WDFY4: variants seen among roughly 807,000 people sequenced by gnomAD.
The protein encoded by WDFY4 is WD repeat- and FYVE domain-containing protein 4.
WDFY4 carries 169 observed loss-of-function variants against 351.9 expected under a neutral mutation model. The observed-to-expected ratio is 0.48, with a 90% CI of 0.42 to 0.55. The LOEUF is 0.55. WDFY4 is among the 20% of genes least tolerant of loss of function. The pLI, the probability that WDFY4 is intolerant of heterozygous loss-of-function variation, is 0.00. For synonymous variants in WDFY4, 1,622 were observed against 1,574.6 expected (o/e 1.03, Z -0.71); for missense variants, 3,803 against 3,935.6 (o/e 0.97, Z 0.90).
chr10:48,731,653 A>G, intron 9 of WDFY4, 91 bp downstream of exon 9: 1 of 1,386,668 alleles, frequency 7.2e-7, no homozygotes. Context: ...CAAATGCAAC[A>G]GAAAGTGAGC....
At chr10:48,968,739 G>A (rs1012803300) in intron 55 of WDFY4, 1 of 365,636 alleles carries the variant, frequency 2.7e-6, no homozygotes, top group African/African-American at 2.1e-5. Flanking sequence ...ATGAGGTCTG[G>A]GCAGCTCCAA....
chr10:48,715,538 T>C (rs1346945408), intron 2 of WDFY4, among the ~76,000 whole-genome samples: 1 of 152,270 alleles, frequency 6.6e-6, no homozygotes, highest in African/African-American at 2.4e-5. Flanking sequence ...TTGATCATTC[T>C]TGTAAAAACC....
At chr10:48,704,422 G>A (rs2063566737) in intron 1 of WDFY4, among the ~76,000 whole-genome samples, 1 of 152,132 alleles carries the variant, frequency 6.6e-6, no homozygotes, top group Admixed American at 6.5e-5. Context: ...TCCAAGCTGG[G>A]ACACAGCACG....
At chr10:48,820,579 A>G in intron 33 of WDFY4, 142 bp downstream of exon 33, 2 of 891,530 alleles carry the variant, frequency 2.2e-6, no homozygotes, top group East Asian at 2.7e-5. Flanking sequence ...ATGGGCCCCA[A>G]AAAAGCAACA....
rs560121785 is a variant in WDFY4, at chr10:48,906,618, G to T, written c.7586+4755G>T. 9.2e-5 allele frequency among the ~76,000 whole-genome samples: 14 copies of T among 152,346 alleles called. No homozygotes were observed. The South Asian group carries it at 2.1e-3, about 23-fold the overall frequency. On this transcript the variant is annotated intron_variant, in intron 47 of 61. Transcript: ENST00000325239. ...CGGCAGGATTTTTGAGATGTAAAAA[G>T]ACCAATCAGAAAAGGAGAAATGATG...
intron 9 of WDFY4, among the ~76,000 whole-genome samples, chr10:48,732,281 T>C (rs2064489532): frequency 6.6e-6 from 1 of 152,130 alleles, no homozygotes; most frequent in Admixed American, 6.5e-5. Flanking sequence ...GACTTTCTGA[T>C]AGGAAGCAAA....
At chr10:48,898,764 G>C (rs1432596065) in intron 45 of WDFY4, among the ~76,000 whole-genome samples, 1 of 152,170 alleles carries the variant, frequency 6.6e-6, no homozygotes, top group Non-Finnish European at 1.5e-5. Context: ...TGAGCTTCCT[G>C]AGGGCCTTTG....
chr10:48,970,086 C>T, intron 56 of WDFY4, 45 bp from the exon 57 acceptor site: 1 of 1,542,700 alleles, frequency 6.5e-7, no homozygotes, highest in South Asian at 1.2e-5. Flanking sequence ...GGGCTCCTGT[C>T]CCTGCTGTCT....
At chr10:48,965,717 G>T (rs1403840872) in intron 54 of WDFY4, among the ~76,000 whole-genome samples, 1 of 152,054 alleles carries the variant, frequency 6.6e-6, no homozygotes, top group Non-Finnish European at 1.5e-5. Flanking sequence ...CAGTAGGGCT[G>T]CAGTCTGGGA....
In WDFY4 at chr10:48,807,642, A is replaced by C. The variant is rs531642152; in HGVS notation, c.4739-217A>C. On this transcript the variant is annotated intron_variant, in intron 27 of 61. Coordinates refer to ENST00000325239, the MANE Select transcript of WDFY4 (RefSeq NM_001394531.1). ...TTTTGTTTTTTGGAAGATGTGCAGC[A>C]TTGCAGACATTGCTAATTAAAGGAA... Among the ~76,000 whole-genome samples, 3 of 152,328 alleles carry C rather than the reference A, an allele frequency of 2.0e-5. No individual in the cohort carries two copies. In the South Asian group the frequency reaches 6.2e-4, roughly 32 times the overall value.
chr10:48,950,842 C>T (rs1187507296), intron 51 of WDFY4, among the ~76,000 whole-genome samples: 1 of 152,252 alleles, frequency 6.6e-6, no homozygotes, highest in Non-Finnish European at 1.5e-5. Flanking sequence ...AGTGTGCTGG[C>T]TGCATGTGTG....
At chr10:48,802,388 G>A (rs2663036) in intron 24 of WDFY4, among the ~76,000 whole-genome samples, 5,583 of 152,108 alleles carry the variant, frequency 0.037, 358 homozygotes, top group African/African-American at 0.13. Context: ...ACATAAATGC[G>A]GATAATAATA....
intron 37 of WDFY4, 111 bp from the exon 38 acceptor site, chr10:48,830,589 A>G: frequency 8.2e-7 from 1 of 1,216,948 alleles, no homozygotes; most frequent in Non-Finnish European, 1.1e-6. Context: ...GATGTTCAAG[A>G]CCTTAAGTGA....
chr10:48,896,888 C>T (rs147484584), intron 44 of WDFY4, among the ~76,000 whole-genome samples: 5 of 152,230 alleles, frequency 3.3e-5, no homozygotes, highest in East Asian at 1.9e-4. Context: ...CAATACAAAA[C>T]GAGAACACCT....
rs763520865 is a variant in WDFY4 at position 48,929,517 on chromosome 10, T to TC, written c.7587-12287dup. Among the ~76,000 whole-genome samples, 177 of 152,148 alleles carry TC rather than the reference T, an allele frequency of 1.2e-3. 2 individuals are homozygous for TC. The highest frequency in any genetic ancestry group is 2.1e-4 in the Non-Finnish European group (14 of 67,970). On this transcript the variant is annotated intron_variant, in intron 47 of 61. Coordinates refer to ENST00000325239, the MANE Select transcript of WDFY4 (RefSeq NM_001394531.1). ...TGCCTCTGCCACGTGCCCCCTGAGGTCCATGGCCAAGCCCCTTGCTCCTCT... is the reference window on the plus strand; with the variant it reads ...TGCCTCTGCCACGTGCCCCCTGAGGTCCCATGGCCAAGCCCCTTGCTCCTCT...
chr10:48,754,991 T>G (rs1418055190), intron 12 of WDFY4, among the ~76,000 whole-genome samples: 1 of 152,184 alleles, frequency 6.6e-6, no homozygotes, highest in East Asian at 1.9e-4. Context: ...TCTATGGGTT[T>G]TAATTCATGT....
intron 39 of WDFY4, among the ~76,000 whole-genome samples, chr10:48,846,991 C>T (rs1231806630): frequency 6.6e-6 from 1 of 152,168 alleles, no homozygotes; most frequent in Non-Finnish European, 1.5e-5. Flanking sequence ...CCAGGTGCCT[C>T]AGTGCTAGGG....
chr10:48,797,017 C>T (rs1016779959), intron 24 of WDFY4, among the ~76,000 whole-genome samples: 1 of 152,288 alleles, frequency 6.6e-6, no homozygotes, highest in African/African-American at 2.4e-5. Context: ...CCCAGCCCTT[C>T]CCCACAGCCA....
Position 48,932,861 on chromosome 10 carries a change from A to C in WDFY4, c.7587-8945A>C, listed in dbSNP as rs183666690. ...GAGCTGTAACTAGAATGCTAAGAAG[A>C]AGCCACATGGAAGGATTTTGGAAAG... On this transcript the variant is annotated intron_variant, in intron 47 of 61. Coordinates refer to ENST00000325239, the MANE Select transcript of WDFY4 (RefSeq NM_001394531.1). Among the ~76,000 whole-genome samples, 6 of 152,268 alleles carry C rather than the reference A, an allele frequency of 3.9e-5. No homozygotes were observed. In the East Asian group the frequency reaches 1.2e-3, roughly 29 times the overall value.
Sources: gnomAD v4.1 joint callset for allele counts (sites outside exome capture counted in the v4.1 genomes callset) on GRCh38, gnomAD v4.1.1 for gene constraint, MANE v1.5 for transcripts, NCBI Gene and HGNC (gene_info 2026-07-23, HGNC 2026-07-21) for gene names.